GUCY1A1: variants seen among roughly 807,000 people sequenced by gnomAD.
GUCY1A1 encodes the protein guanylate cyclase soluble subunit alpha-1.
A neutral mutation model predicts 64.5 loss-of-function variants in GUCY1A1; 48 were observed. The ratio of observed to expected loss-of-function variants is 0.74; its 90% confidence interval spans 0.59 to 0.95. The LOEUF (loss-of-function observed/expected upper bound fraction) is 0.95, where lower values mean the gene tolerates loss of function less well. Among genes scored for constraint, GUCY1A1 ranks in the 40% least tolerant of loss-of-function variants. The pLI is 0.00. For synonymous variants in GUCY1A1, 308 were observed against 303.4 expected (o/e 1.02, Z -0.16); for missense variants, 804 against 825.3 (o/e 0.97, Z 0.32).
chr4:155,705,340 G>C (rs1393151485), intron 4 of GUCY1A1, among the ~76,000 whole-genome samples: 1 of 152,044 alleles, frequency 6.6e-6, no homozygotes. Context: ...CCTGCGGTCA[G>C]GAGTTCGAGA....
chr4:155,672,947 A>C (rs1483158881), intron 2 of GUCY1A1, among the ~76,000 whole-genome samples: 2 of 152,120 alleles, frequency 1.3e-5, no homozygotes, highest in Non-Finnish European at 2.9e-5. Context: ...TGTTATTTTT[A>C]GTTTTGTTCT....
At chr4:155,724,163 C>T (rs981508591) in intron 9 of GUCY1A1, among the ~76,000 whole-genome samples, 3 of 152,084 alleles carry the variant, frequency 2.0e-5, no homozygotes, top group African/African-American at 7.2e-5. Flanking sequence ...CCCCTCCTGC[C>T]CCTGGTTGAT....
intron 9 of GUCY1A1, among the ~76,000 whole-genome samples, chr4:155,728,931 T>C (rs1434768754): frequency 1.3e-5 from 2 of 152,006 alleles, no homozygotes; most frequent in South Asian, 4.1e-4. Flanking sequence ...TAATAGTCAC[T>C]CAAAAATATT....
At chr4:155,667,658 G>C (rs898762552) in intron 2 of GUCY1A1, 3 of 151,864 alleles carry the variant, frequency 2.0e-5, no homozygotes, top group Non-Finnish European at 2.9e-5. Flanking sequence ...CGAGGGAGGA[G>C]CACAGACGGG....
At chr4:155,708,157 C>T in intron 4 of GUCY1A1, 79 bp from the exon 5 acceptor site, 1 of 771,324 alleles carries the variant, frequency 1.3e-6, no homozygotes, top group South Asian at 1.6e-5. Flanking sequence ...TATTTTCTAT[C>T]ATTGTTTCTG....
intron 3 of GUCY1A1, among the ~76,000 whole-genome samples, chr4:155,699,664 T>C (rs1337420819): frequency 6.6e-6 from 1 of 152,196 alleles, no homozygotes; most frequent in Non-Finnish European, 1.5e-5. Flanking sequence ...ACTTCAAACA[T>C]CTGCTTATCT....
At chr4:155,717,592 C>T (rs1733430758) in intron 8 of GUCY1A1, among the ~76,000 whole-genome samples, 1 of 152,126 alleles carries the variant, frequency 6.6e-6, no homozygotes, top group African/African-American at 2.4e-5. Flanking sequence ...AAAATGGCTT[C>T]TAAAGGCAAA....
chr4:155,692,670 G>A (rs528111254), intron 2 of GUCY1A1, among the ~76,000 whole-genome samples: 4 of 152,324 alleles, frequency 2.6e-5, no homozygotes, highest in Admixed American at 2.6e-4. Flanking sequence ...AAGTGTATCA[G>A]TGCCAGAGAG....
At chr4:155,687,729 G>A (rs1729175596) in intron 2 of GUCY1A1, among the ~76,000 whole-genome samples, 1 of 152,134 alleles carries the variant, frequency 6.6e-6, no homozygotes, top group East Asian at 1.9e-4. Context: ...ATGTCGCAGA[G>A]TTAGCACATG....
chr4:155,708,323 G>A, intron 5 of GUCY1A1, 29 bp downstream of exon 5: 1 of 1,190,762 alleles, frequency 8.4e-7, no homozygotes, highest in Non-Finnish European at 1.3e-6. Flanking sequence ...TAATTAGAAA[G>A]TATGCCATAT....
chr4:155,727,221 AT>A (rs1391888891), intron 9 of GUCY1A1, among the ~76,000 whole-genome samples: 1 of 151,944 alleles, frequency 6.6e-6, no homozygotes, highest in Non-Finnish European at 1.5e-5. Flanking sequence ...GGGTGTTGCT[AT>A]CATCAAGCTT....
In GUCY1A1 at chr4:155,710,988, C is replaced by A. The variant is rs758267804; in HGVS notation, c.823C>A (p.Leu275Met). Reference protein sequence around the residue: ...SLSPSKPQSSLVIPTSLFCKT... With the variant: ...SLSPSKPQSSMVIPTSLFCKT... ...GTCCCCCAGCAAACCCCAGTCCTCG[C>A]TGGTGATTCCCACATCGCTATTCTG... The change falls in exon 6 of 10, where the codon CTG becomes ATG. Residue 275 changes from leucine (L) to methionine (M), a missense_variant. By Grantham distance (15) the Leu-to-Met change is conservative. Transcript: ENST00000506455. 5 of 1,613,474 alleles carry A rather than the reference C, an allele frequency of 3.1e-6. No individual in the cohort carries two copies. The East Asian group carries it at 1.1e-4, about 36-fold the overall frequency.
intron 2 of GUCY1A1, among the ~76,000 whole-genome samples, chr4:155,674,361 A>AAG (rs1560908704): frequency 4.6e-5 from 7 of 151,038 alleles, no homozygotes; most frequent in African/African-American, 1.7e-4. Context: ...CTAAAAAAAA[A>AAG]AAAGAAAGAA....
In GUCY1A1 at chr4:155,710,722, A is replaced by C. The variant is rs1172704500; in HGVS notation, c.557A>C (p.Glu186Ala). Residue 186 changes from glutamate to alanine, a missense_variant, in exon 6 of 10, where the codon GAG becomes GCG. Transcript: ENST00000506455. Reference protein sequence around the residue: ...CQEAGKRGRLEDASILCLDKE... With the variant: ...CQEAGKRGRLADASILCLDKE... Reference sequence around the variant, plus strand: ...GAAGCAGGAAAAAGGGGCAGGCTTGAGGACGCCTCCATTCTATGCCTGGAT... The same window carrying C: ...GAAGCAGGAAAAAGGGGCAGGCTTGCGGACGCCTCCATTCTATGCCTGGAT... The C allele has an allele frequency of 6.2e-7, 1 of 1,614,036 alleles. No individual in the cohort carries two copies. Among genetic ancestry groups the C allele is most frequent in the African/African-American group, 1.3e-5 (1 of 74,922 alleles).
rs1735645816 is a variant in GUCY1A1, at chr4:155,732,314, G to T, written c.*2083G>T. On this transcript the variant is annotated 3_prime_UTR_variant, in exon 10 of 10. Coordinates refer to ENST00000506455, the MANE Select transcript of GUCY1A1 (RefSeq NM_001130682.3). ...TTCCTGCAACTTTTCTATAAACGTG[G>T]CATTATATCTAAATAAAAAATTACC... 6.6e-6 allele frequency: 1 copy of T among 151,724 alleles called. No homozygotes were observed. Among genetic ancestry groups the T allele is most frequent in the Admixed American group, 6.6e-5 (1 of 15,180 alleles). The allele number at this position is 151,724 out of a possible 1,614,324, so 9.4% of individuals were successfully genotyped here. A position where few individuals can be genotyped will look rare whatever the true frequency, so the allele number is the denominator to read the frequency against.
chr4:155,685,177 A>T (rs961919033), intron 2 of GUCY1A1, among the ~76,000 whole-genome samples: 5 of 152,188 alleles, frequency 3.3e-5, no homozygotes, highest in Non-Finnish European at 7.3e-5. Context: ...ATACTAAAAT[A>T]CACAAACACA....
At chr4:155,699,317 G>T (rs1579057961) in intron 3 of GUCY1A1, among the ~76,000 whole-genome samples, 1 of 152,012 alleles carries the variant, frequency 6.6e-6, no homozygotes, top group African/African-American at 2.4e-5. Flanking sequence ...GTTTCTGGGT[G>T]GTGTGCCTTC....
At chr4:155,705,387 A>G (rs1731615097) in intron 4 of GUCY1A1, among the ~76,000 whole-genome samples, 1 of 151,968 alleles carries the variant, frequency 6.6e-6, no homozygotes, top group African/African-American at 2.4e-5. Flanking sequence ...CGTCTCTACT[A>G]AAAACACAAA....
At chr4:155,711,933 G>A (rs1417543437) in intron 6 of GUCY1A1, among the ~76,000 whole-genome samples, 1 of 152,066 alleles carries the variant, frequency 6.6e-6, no homozygotes, top group East Asian at 1.9e-4. Flanking sequence ...TAAAAAATGA[G>A]TAATATTGAA....
Sources: gnomAD v4.1 joint callset for allele counts (sites outside exome capture counted in the v4.1 genomes callset) on GRCh38, gnomAD v4.1.1 for gene constraint, MANE v1.5 for transcripts, NCBI Gene and HGNC (gene_info 2026-07-23, HGNC 2026-07-21) for gene names.